UNC5D: variants seen among roughly 807,000 people sequenced by gnomAD.
The protein encoded by UNC5D is unc-5 netrin receptor D.
UNC5D carries 39 observed loss-of-function variants against 105.4 expected under a neutral mutation model. That is an observed-to-expected ratio of 0.37 (90% CI 0.29 to 0.48). The LOEUF (loss-of-function observed/expected upper bound fraction) is 0.48, where lower values mean the gene tolerates loss of function less well. UNC5D is among the 20% of genes least tolerant of loss of function. The pLI is 0.98. For synonymous variants in UNC5D, 452 were observed against 450.4 expected (o/e 1.00, Z -0.04); for missense variants, 991 against 1,202.4 (o/e 0.82, Z 2.60).
intron 1 of UNC5D, among the ~76,000 whole-genome samples, chr8:35,509,553 A>C (rs1203611208): frequency 2.3e-4 from 1 of 4,394 alleles, no homozygotes; most frequent in Admixed American, 2.6e-3. Flanking sequence ...GCCATACTAC[A>C]TGCTGAATTT....
At chr8:35,292,274 A>G (rs1807125518) in intron 1 of UNC5D, among the ~76,000 whole-genome samples, 1 of 152,218 alleles carries the variant, frequency 6.6e-6, no homozygotes, top group East Asian at 1.9e-4. Flanking sequence ...GGCATTTAAA[A>G]AGAATTTGTT....
At chr8:35,374,419 T>G (rs1284815948) in intron 1 of UNC5D, among the ~76,000 whole-genome samples, 1 of 152,154 alleles carries the variant, frequency 6.6e-6, no homozygotes, top group African/African-American at 2.4e-5. Context: ...GAAAGCAGTC[T>G]CCTTAAGAGC....
intron 1 of UNC5D, among the ~76,000 whole-genome samples, chr8:35,311,453 C>CT (rs1007263014): frequency 2.0e-5 from 3 of 151,264 alleles, no homozygotes; most frequent in East Asian, 1.9e-4. Flanking sequence ...CCTCAGAAAA[C>CT]TTTTTTTTTG....
intron 13 of UNC5D, among the ~76,000 whole-genome samples, chr8:35,751,730 C>T (rs28699490): frequency 6.6e-6 from 1 of 152,084 alleles, no homozygotes; most frequent in Non-Finnish European, 1.5e-5. Context: ...GGTTGGGGTA[C>T]TTGGCATTCA....
Position 35,488,790 on chromosome 8 carries a change from TTGGCGA to T in UNC5D, c.104-60498_104-60493del, listed in dbSNP as rs535480734. Among the ~76,000 whole-genome samples the T allele has an allele frequency of 2.0e-4, 31 of 152,280 alleles. No individual in the cohort carries two copies. The East Asian group carries it at 5.6e-3, about 27-fold the overall frequency. On this transcript the variant is annotated intron_variant, in intron 1 of 16. Coordinates refer to ENST00000404895, the MANE Select transcript of UNC5D (RefSeq NM_080872.4). ...CAGATAACTTACCTGGTTTCACAGA[TTGGCGA>T]TGGGACAAGGATTTTGCCTTAGGAT...
intron 1 of UNC5D, among the ~76,000 whole-genome samples, chr8:35,386,861 TTTTTTTA>T (rs994229462): frequency 4.6e-5 from 7 of 152,204 alleles, no homozygotes; most frequent in South Asian, 4.1e-4. Flanking sequence ...CTTACTTTGC[TTTTTTTA>T]TTTTTTATTT....
At chr8:35,511,907 C>T (rs1439814881) in intron 1 of UNC5D, among the ~76,000 whole-genome samples, 1 of 152,152 alleles carries the variant, frequency 6.6e-6, no homozygotes, top group Non-Finnish European at 1.5e-5. Flanking sequence ...TGACCAGGAC[C>T]TTCTGAGTGC....
rs886339517 is a variant in UNC5D, at chr8:35,346,969, A to G, written c.103+111082A>G. On this transcript the variant is annotated intron_variant, in intron 1 of 16. Transcript: ENST00000404895. ...CTCTTCAGAGCAACACAATACATCAATGCAGACAAGAGAGTTTATACATTA... is the reference window on the plus strand; with the variant it reads ...CTCTTCAGAGCAACACAATACATCAGTGCAGACAAGAGAGTTTATACATTA... Among the ~76,000 whole-genome samples, 3 of 152,040 alleles carry G rather than the reference A, an allele frequency of 2.0e-5. 1 individual carries two copies. Among genetic ancestry groups the G allele is most frequent in the Non-Finnish European group, 4.4e-5 (3 of 67,954 alleles).
intron 8 of UNC5D, among the ~76,000 whole-genome samples, chr8:35,710,972 T>C (rs1233627061): frequency 5.4e-3 from 666 of 122,502 alleles, no homozygotes; most frequent in African/African-American, 0.023. Flanking sequence ...GGAGTCTCGC[T>C]CTGTCGCCCA....
chr8:35,379,625 ATGGACCTATCCCTATCTTTAAGTCTCCC>A (rs1221092312), intron 1 of UNC5D, among the ~76,000 whole-genome samples: 1 of 151,940 alleles, frequency 6.6e-6, no homozygotes, highest in Non-Finnish European at 1.5e-5. Flanking sequence ...CTGTGTTCCT[ATGGACCTATCCCTATCTTTAAGTCTCCC>A]TGGACTCTCT....
chr8:35,544,452 T>G (rs1302092087), intron 1 of UNC5D: 1 of 1,613,826 alleles, frequency 6.2e-7, no homozygotes, highest in Non-Finnish European at 8.5e-7. Flanking sequence ...GGGTGGATGA[T>G]CCTGGTGTTA....
intron 16 of UNC5D, among the ~76,000 whole-genome samples, chr8:35,781,797 C>T (rs953440845): frequency 4.6e-5 from 7 of 152,158 alleles, no homozygotes; most frequent in East Asian, 1.9e-4. Flanking sequence ...GGACTATAAC[C>T]GACTTTGTTC....
intron 1 of UNC5D, among the ~76,000 whole-genome samples, chr8:35,335,740 GAAA>G (rs1563323168): frequency 6.9e-6 from 1 of 144,134 alleles, no homozygotes; most frequent in African/African-American, 2.6e-5. Flanking sequence ...AGGATAGAAT[GAAA>G]TGAGAGATTG....
intron 13 of UNC5D, among the ~76,000 whole-genome samples, chr8:35,752,146 T>G (rs769090448): frequency 6.6e-6 from 1 of 152,194 alleles, no homozygotes; most frequent in Admixed American, 6.5e-5. Context: ...TTTCCATTTT[T>G]GGTACTTTTA....
chr8:35,647,562 A>G (rs879604647), intron 4 of UNC5D, among the ~76,000 whole-genome samples: 5 of 152,164 alleles, frequency 3.3e-5, no homozygotes, highest in African/African-American at 1.2e-4. Flanking sequence ...GGAGGAGTTT[A>G]CTGGTTTATA....
chr8:35,499,146 C>T (rs890501270), intron 1 of UNC5D, among the ~76,000 whole-genome samples: 2 of 152,176 alleles, frequency 1.3e-5, no homozygotes, highest in Non-Finnish European at 2.9e-5. Flanking sequence ...AAATGTTTCT[C>T]TAGCTAAGAA....
At chr8:35,245,202 T>C (rs1268368546) in intron 1 of UNC5D, among the ~76,000 whole-genome samples, 2 of 152,248 alleles carry the variant, frequency 1.3e-5, no homozygotes, top group African/African-American at 4.8e-5. Context: ...TCGAAAGCAG[T>C]TTAGTGGCAC....
intron 1 of UNC5D, among the ~76,000 whole-genome samples, chr8:35,379,606 G>A (rs897145477): frequency 5.9e-5 from 9 of 151,930 alleles, no homozygotes; most frequent in African/African-American, 9.7e-5. Context: ...AAATTCCACC[G>A]GTGCATCTCT....
At chr8:35,463,666 G>C (rs533771389) in intron 1 of UNC5D, among the ~76,000 whole-genome samples, 1 of 150,130 alleles carries the variant, frequency 6.7e-6, no homozygotes, top group Non-Finnish European at 1.5e-5. Context: ...CACACCTGCC[G>C]TCCCAGCTAC....
Sources: gnomAD v4.1 joint callset for allele counts (sites outside exome capture counted in the v4.1 genomes callset) on GRCh38, gnomAD v4.1.1 for gene constraint, MANE v1.5 for transcripts, NCBI Gene and HGNC (gene_info 2026-07-23, HGNC 2026-07-21) for gene names.